The following AQP8 variants were observed in gnomAD, a reference collection of about 807,000 sequenced individuals.
AQP8 encodes the protein aquaporin 8.
AQP8 carries 14 observed loss-of-function variants against 26.1 expected under a neutral mutation model. The ratio of observed to expected loss-of-function variants is 0.54; its 90% confidence interval spans 0.35 to 0.84. The LOEUF (loss-of-function observed/expected upper bound fraction) is 0.84. AQP8 is among the 40% of genes least tolerant of loss of function. AQP8 has a pLI of 0.01. For synonymous variants in AQP8, 131 were observed against 150.7 expected (o/e 0.87, Z 0.96); for missense variants, 301 against 340.5 (o/e 0.88, Z 0.91).
rs549209795 is a variant in AQP8, at chr16:25,218,565, A to G, written c.260+1120A>G. 5.1e-4 allele frequency among the ~76,000 whole-genome samples: 78 copies of G among 152,304 alleles called. 3 individuals carry two copies. The South Asian group carries it at 0.015, about 30-fold the overall frequency. On this transcript the variant is annotated intron_variant, in intron 2 of 5. Transcript: ENST00000219660. The stretch of plus-strand genomic sequence containing the variant: ...AAACAGAAATACTATTTCTGAGAAA[A>G]CCAGAATGGAAAAGAGCTTTAACAT...
Position 25,228,572 on chromosome 16 carries a change from T to C in AQP8, c.*80T>C. ...GACTGAGGACAGGGGAGTTCCTGCA[T>C]TTCCTGCCAGGGCAGAGGCCCAGAG... On this transcript the variant is annotated 3_prime_UTR_variant, in exon 6 of 6. Transcript: ENST00000219660. 2 of 1,515,144 alleles carry C rather than the reference T, an allele frequency of 1.3e-6. No homozygotes were observed. Among genetic ancestry groups the C allele is most frequent in the Non-Finnish European group, 9.1e-7 (1 of 1,093,336 alleles). 93.9% of individuals were successfully genotyped at this position (1,515,144 alleles called of 1,614,324 possible).
chr16:25,220,052 AC>A (rs1962538851), intron 2 of AQP8, among the ~76,000 whole-genome samples: 6 of 143,140 alleles, frequency 4.2e-5, no homozygotes, highest in African/African-American at 5.2e-5. Context: ...AAAACAAAAA[AC>A]AAAAAACAAA....
At chr16:25,221,085 T>A (rs1962556242) in intron 2 of AQP8, among the ~76,000 whole-genome samples, 1 of 152,048 alleles carries the variant, frequency 6.6e-6, no homozygotes, top group African/African-American at 2.4e-5. Flanking sequence ...GAGGCCTGGA[T>A]ACCGCTCTTG....
chr16:25,225,015 A>G (rs1397140301), intron 4 of AQP8, among the ~76,000 whole-genome samples: 5 of 152,186 alleles, frequency 3.3e-5, no homozygotes, highest in Non-Finnish European at 7.3e-5. Flanking sequence ...GATTAAGTAG[A>G]CAAGATTGGG....
chr16:25,219,607 C>A (rs761370178), intron 2 of AQP8, among the ~76,000 whole-genome samples: 1 of 151,444 alleles, frequency 6.6e-6, no homozygotes, highest in African/African-American at 2.4e-5. Context: ...CCCTTTGGGG[C>A]TCCCCTGGGA....
intron 3 of AQP8, 128 bp from the exon 4 acceptor site, chr16:25,224,234 C>T (rs1042905218): frequency 3.7e-6 from 3 of 819,706 alleles, no homozygotes; most frequent in South Asian, 3.6e-5. Context: ...GCAGGTATAT[C>T]TAACTGAAAT....
rs1962498664 is a variant in AQP8 at position 25,217,238 on chromosome 16, G to A, written c.53G>A (p.Arg18Lys). Reference protein sequence around the residue: ...CEPEFGNDKAREPSVGGRWRV... With the variant: ...CEPEFGNDKAKEPSVGGRWRV... ...CCTGAATTTGGCAATGACAAGGCCA[G>A]GGAGCCGAGCGTGGGTGGCAGGTGG... Residue 18 changes from arginine (R) to lysine (K), a missense_variant, in exon 2 of 6, where the codon AGG becomes AAG. By Grantham distance (26) the Arg-to-Lys change is conservative (BLOSUM62 2). Transcript: ENST00000219660. The A allele has an allele frequency of 6.2e-7, 1 of 1,614,222 alleles. No individual in the cohort carries two copies. The highest frequency in any genetic ancestry group is 8.5e-7 in the Non-Finnish European group (1 of 1,180,052).
In AQP8 at chr16:25,217,435, G is replaced by A. The variant is rs746856769; in HGVS notation, c.250G>A (p.Gly84Arg). The A allele has an allele frequency of 6.2e-7, 1 of 1,613,904 alleles. No individual in the cohort carries two copies. The highest frequency in any genetic ancestry group is 8.5e-7 in the Non-Finnish European group (1 of 1,180,004). ...LALGLVIATL[G>R]NISGGHFNPA... ...TTTGGGGCTCGTGATTGCCACGCTG[G>A]GGAATATCAGGTGAGACCAGCTCTG... Residue 84 changes from glycine to arginine, a missense_variant, in exon 2 of 6, where the codon GGG (glycine) becomes AGG (arginine). Coordinates refer to ENST00000219660, the MANE Select transcript of AQP8 (RefSeq NM_001169.3).
rs1962561961 is a variant in AQP8 at position 25,221,515 on chromosome 16, C to T, written c.319C>T (p.Leu107=). ...LAAMLIGGLN[L]VMLLPYWVSQ... ...AGCCATGCTGATCGGAGGCCTCAAC[C>T]TGGTGATGCTCCTCCCGTACTGGGT... The change falls in exon 3 of 6, where the codon CTG becomes TTG. Residue 107 remains leucine (L), a synonymous_variant. Coordinates refer to ENST00000219660, the MANE Select transcript of AQP8 (RefSeq NM_001169.3). 1 of 1,613,972 alleles carries T rather than the reference C, an allele frequency of 6.2e-7. No individual in the cohort carries two copies. Among genetic ancestry groups the T allele is most frequent in the African/African-American group, 1.3e-5 (1 of 74,888 alleles).
chr16:25,217,190 T>C lies in AQP8; in HGVS notation c.13-8T>C, dbSNP rs747370986. On this transcript the variant is annotated splice_region_variant and splice_polypyrimidine_tract_variant and intron_variant, in intron 1 of 5. Transcript: ENST00000219660. ...CCCGTGTCCTCTGTCCCTTTTTCCC[T>C]ACGGCAGATAGCCATGTGTGAGCCT... 1.2e-6 allele frequency: 2 copies of C among 1,614,054 alleles called. No individual in the cohort carries two copies. Among genetic ancestry groups the C allele is most frequent in the Middle Eastern group, 3.3e-4 (2 of 6,062 alleles).
At chr16:25,223,350 G>A (rs1076974) in intron 3 of AQP8, among the ~76,000 whole-genome samples, 102,729 of 152,158 alleles carry the variant, frequency 0.68, 35,538 homozygotes, top group African/African-American at 0.82. Flanking sequence ...CCACGGTCCT[G>A]TGGGGGCTTA....
chr16:25,226,539 G>T (rs538345968), intron 4 of AQP8, among the ~76,000 whole-genome samples: 2 of 152,146 alleles, frequency 1.3e-5, no homozygotes, highest in Non-Finnish European at 2.9e-5. Flanking sequence ...TTTCAGGCAT[G>T]AGCCTCTGTG....
intron 3 of AQP8, among the ~76,000 whole-genome samples, chr16:25,222,965 G>A (rs1962583653): frequency 6.6e-6 from 1 of 152,216 alleles, no homozygotes; most frequent in Non-Finnish European, 1.5e-5. Flanking sequence ...GGGCAGCAGG[G>A]TTCCCTAAGC....
intron 4 of AQP8, among the ~76,000 whole-genome samples, chr16:25,224,898 C>G (rs1366509429): frequency 6.6e-6 from 1 of 152,202 alleles, no homozygotes; most frequent in East Asian, 1.9e-4. Context: ...TTTCTGTGAA[C>G]TGTGTTCATT....
At chr16:25,220,263 G>A (rs1287089642) in intron 2 of AQP8, among the ~76,000 whole-genome samples, 2 of 152,116 alleles carry the variant, frequency 1.3e-5, no homozygotes, top group Admixed American at 1.3e-4. Context: ...CTTTACATTA[G>A]GGGGGCACTT....
intron 5 of AQP8, 102 bp from the exon 6 acceptor site, chr16:25,228,342 C>A: frequency 9.3e-7 from 1 of 1,070,222 alleles, no homozygotes; most frequent in Non-Finnish European, 1.4e-6. Context: ...GCTGGGGAGG[C>A]TCAGGAAGTC....
At chr16:25,227,881 G>A (rs982244145) in intron 5 of AQP8, among the ~76,000 whole-genome samples, 1 of 151,458 alleles carries the variant, frequency 6.6e-6, no homozygotes, top group Admixed American at 6.6e-5. Flanking sequence ...CTCCCAAAGC[G>A]CTGGGTTACA....
intron 4 of AQP8, among the ~76,000 whole-genome samples, 195 bp from the exon 5 acceptor site, chr16:25,226,873 C>A (rs1001053118): frequency 1.3e-5 from 2 of 152,132 alleles, no homozygotes; most frequent in East Asian, 1.9e-4. Flanking sequence ...GCACGCCCAG[C>A]GGGGAGCCAT....
At chr16:25,220,083 G>A (rs962659614) in intron 2 of AQP8, among the ~76,000 whole-genome samples, 2 of 152,052 alleles carry the variant, frequency 1.3e-5, no homozygotes, top group Non-Finnish European at 2.9e-5. Context: ...ACCGTGCATG[G>A]AGCTTATCTG....
Sources: allele counts gnomAD v4.1 joint callset (sites outside exome capture counted in the v4.1 genomes callset), GRCh38; gene constraint gnomAD v4.1.1; transcripts MANE v1.5; gene names NCBI Gene and HGNC (gene_info 2026-07-23, HGNC 2026-07-21).